The following CD44 variants were observed in gnomAD, a reference collection of about 807,000 sequenced individuals.
The protein encoded by CD44 is CD44 antigen.
Under a neutral mutation model 88.8 loss-of-function variants are expected in CD44, and 49 were observed. The ratio of observed to expected loss-of-function variants is 0.55; its 90% CI spans 0.44 to 0.70. The LOEUF is 0.70. CD44 is among the 30% of genes least tolerant of loss of function. The pLI is 0.00. For missense variants in CD44, 883 were observed against 913.8 expected (o/e 0.97, Z 0.43); for synonymous variants, 325 against 312.3 (o/e 1.04, Z -0.43).
At chr11:35,183,348 AAAAG>A (rs1945342553) in intron 3 of CD44, among the ~76,000 whole-genome samples, 2 of 152,036 alleles carry the variant, frequency 1.3e-5, no homozygotes, top group East Asian at 1.9e-4. Flanking sequence ...CAAAAAAAAA[AAAAG>A]AAAGAAACTG....
chr11:35,148,289 G>A (rs1859608765), intron 1 of CD44, among the ~76,000 whole-genome samples: 1 of 152,200 alleles, frequency 6.6e-6, no homozygotes, highest in South Asian at 2.1e-4. Flanking sequence ...ATCTAACAGA[G>A]CTAACTAAGC....
At chr11:35,168,855 G>C (rs534023211) in intron 1 of CD44, among the ~76,000 whole-genome samples, 1 of 152,316 alleles carries the variant, frequency 6.6e-6, no homozygotes, top group East Asian at 1.9e-4. Context: ...TCTGGCCTCA[G>C]AAATGGCCCT....
chr11:35,161,531 G>C (rs549733379), intron 1 of CD44, among the ~76,000 whole-genome samples: 3 of 152,330 alleles, frequency 2.0e-5, no homozygotes, highest in East Asian at 3.9e-4. Context: ...CAGAGGGCTT[G>C]GGAGTGGACA....
chr11:35,198,111 A>C lies in CD44; in HGVS notation c.797-10A>C. 4 of 1,612,298 alleles carry C rather than the reference A, an allele frequency of 2.5e-6. No homozygotes were observed. Among genetic ancestry groups the C allele is most frequent in the Non-Finnish European group, 3.4e-6 (4 of 1,178,718 alleles). ...TCCAGCTCAGCCACTAATGCAAGTC[A>C]CCACAACAGGTACGTCTTCAAATAC... On this transcript the variant is annotated splice_polypyrimidine_tract_variant and intron_variant, in intron 6 of 17. Coordinates refer to ENST00000428726, the MANE Select transcript of CD44 (RefSeq NM_000610.4).
chr11:35,155,544 G>T (rs1319304341), intron 1 of CD44, among the ~76,000 whole-genome samples: 3 of 152,172 alleles, frequency 2.0e-5, no homozygotes, highest in African/African-American at 7.2e-5. Context: ...TATACTCAAT[G>T]ATAATACCTA....
chr11:35,222,611 A>ATATG (rs1949397693), intron 17 of CD44: 4 of 630,982 alleles, frequency 6.3e-6, no homozygotes, highest in Middle Eastern at 8.1e-4. Context: ...ATATATATAT[A>ATATG]TATATACACA....
rs564642985 is a variant in CD44 at position 35,196,424 on chromosome 11, G to A, written c.668-322G>A. Among the ~76,000 whole-genome samples the A allele has an allele frequency of 5.9e-5, 9 of 152,152 alleles. No individual in the cohort carries two copies. The South Asian group carries it at 6.2e-4, about 11-fold the overall frequency. The stretch of plus-strand genomic sequence containing the variant: ...CAAAATTCAAAGACGGCTGTCATGC[G>A]TTCCTGGAGCCCTCACTCTTGCTAA... On this transcript the variant is annotated intron_variant, in intron 5 of 17. Coordinates refer to ENST00000428726, the MANE Select transcript of CD44 (RefSeq NM_000610.4).
At chr11:35,218,302 T>C (rs1041386348) in intron 15 of CD44, among the ~76,000 whole-genome samples, 6 of 152,204 alleles carry the variant, frequency 3.9e-5, no homozygotes, top group Non-Finnish European at 8.8e-5. Context: ...TGATTTTTCA[T>C]AGTCAGAAAG....
At chr11:35,228,375 GT>G (rs765308627) in intron 17 of CD44, among the ~76,000 whole-genome samples, 7 of 152,184 alleles carry the variant, frequency 4.6e-5, no homozygotes, top group African/African-American at 7.2e-5. Flanking sequence ...GAAAAATGTT[GT>G]TTTATTCTTC....
chr11:35,147,708 C>T (rs185771530), intron 1 of CD44, among the ~76,000 whole-genome samples: 3 of 152,094 alleles, frequency 2.0e-5, no homozygotes, highest in African/African-American at 4.8e-5. Flanking sequence ...TGGAACTAGG[C>T]AGCATCTTTT....
chr11:35,161,856 T>C (rs1428903543), intron 1 of CD44, among the ~76,000 whole-genome samples: 4 of 152,124 alleles, frequency 2.6e-5, no homozygotes, highest in African/African-American at 9.7e-5. Flanking sequence ...TGTATTTCCT[T>C]TTGCCAGGTA....
intron 5 of CD44, among the ~76,000 whole-genome samples, chr11:35,191,495 G>A (rs7934647): frequency 0.17 from 26,133 of 152,074 alleles, 3,744 homozygotes; most frequent in African/African-American, 0.4. Flanking sequence ...CAAACCAAGC[G>A]GGCCGTGCTG....
chr11:35,230,699 C>T lies in CD44; in HGVS notation c.*1366C>T, dbSNP rs1423104218. 3 of 152,228 alleles carry T rather than the reference C, an allele frequency of 2.0e-5. No homozygotes were observed. Among genetic ancestry groups the T allele is most frequent in the African/African-American group, 7.2e-5 (3 of 41,460 alleles). 9.4% of individuals were successfully genotyped at this position (152,228 alleles called of 1,614,324 possible). On this transcript the variant is annotated 3_prime_UTR_variant, in exon 18 of 18. Coordinates refer to ENST00000428726, the MANE Select transcript of CD44 (RefSeq NM_000610.4). ...AAGTTTATGACCAAACAAGAGAGTACTGGCTTTATCCTCTAACCTCATATT... is the reference window on the plus strand; with the variant it reads ...AAGTTTATGACCAAACAAGAGAGTATTGGCTTTATCCTCTAACCTCATATT...
intron 16 of CD44, among the ~76,000 whole-genome samples, chr11:35,220,738 C>A (rs2065006): frequency 0.062 from 9,260 of 150,320 alleles, 358 homozygotes; most frequent in Middle Eastern, 0.084. Flanking sequence ...TCCAGAAATA[C>A]CATGGTTACC....
chr11:35,180,219 A>G, intron 2 of CD44, 55 bp from the exon 3 acceptor site: 1 of 1,574,340 alleles, frequency 6.4e-7, no homozygotes, highest in Non-Finnish European at 8.7e-7. Context: ...ATGGGATATT[A>G]TGAAATTCCC....
At chr11:35,208,438 A>T (rs1948093453) in intron 12 of CD44, among the ~76,000 whole-genome samples, 1 of 152,186 alleles carries the variant, frequency 6.6e-6, no homozygotes. Flanking sequence ...TTTAAGAAAA[A>T]GTAGGACTCT....
intron 1 of CD44, 150 bp downstream of exon 1, chr11:35,139,520 G>T: frequency 2.5e-6 from 2 of 787,184 alleles, no homozygotes; most frequent in South Asian, 2.8e-5. Flanking sequence ...GCAGGGCTGG[G>T]ATTTGCGCTA....
At chr11:35,228,665 A>G (rs1402196100) in intron 17 of CD44, among the ~76,000 whole-genome samples, 1 of 152,170 alleles carries the variant, frequency 6.6e-6, no homozygotes, top group Admixed American at 6.5e-5. Flanking sequence ...GAATTTTCTG[A>G]TCCCCAAGGT....
chr11:35,206,240 A>G lies in CD44; in HGVS notation c.1411A>G (p.Met471Val). The G allele has an allele frequency of 6.2e-7, 1 of 1,607,660 alleles. No individual in the cohort carries two copies. The highest frequency in any genetic ancestry group is 8.5e-7 in the Non-Finnish European group (1 of 1,177,270). Residue 471 changes from methionine (M) to valine (V), a missense_variant, in exon 11 of 18, where the codon ATG becomes GTG. Met to Val is a conservative substitution (Grantham distance 21). This residue lies in a region of CD44 where 631 missense variants were observed against 590.9 expected (regional missense o/e 1.07). Coordinates refer to ENST00000428726, the MANE Select transcript of CD44 (RefSeq NM_000610.4). The part of the protein sequence containing the change: ...MGRGHQAGRR[M>V]DMDSSHSITL... Reference sequence around the variant, plus strand: ...ACGAGGTCATCAAGCAGGAAGAAGGATGGGTAATAGCCTCTGAGATTTTTA... The same window carrying G: ...ACGAGGTCATCAAGCAGGAAGAAGGGTGGGTAATAGCCTCTGAGATTTTTA...
Sources: gnomAD v4.1 joint callset for allele counts (sites outside exome capture counted in the v4.1 genomes callset) on GRCh38, gnomAD v4.1.1 for gene constraint, gnomAD v4.1.1 regional missense constraint, MANE v1.5 for transcripts, NCBI Gene and HGNC (gene_info 2026-07-23, HGNC 2026-07-21) for gene names.